Variants in CDKAL1 observed in about 807,000 individuals in gnomAD.
CDKAL1 encodes threonylcarbamoyladenosine tRNA methylthiotransferase.
A neutral mutation model predicts 68.2 loss-of-function variants in CDKAL1; 32 were observed. The ratio of observed to expected loss-of-function variants is 0.47; its 90% CI spans 0.35 to 0.63. The LOEUF (loss-of-function observed/expected upper bound fraction) is 0.63. CDKAL1 is among the 30% of genes least tolerant of loss of function. The probability of loss-of-function intolerance (pLI) is 0.00; values close to 1 mark genes in which losing one functional copy is unlikely to be tolerated. For synonymous variants in CDKAL1, 234 were observed against 244.3 expected (o/e 0.96, Z 0.39); for missense variants, 606 against 696.7 (o/e 0.87, Z 1.47).
chr6:20,998,980 C>A (rs950082205), intron 10 of CDKAL1, among the ~76,000 whole-genome samples: 1 of 151,298 alleles, frequency 6.6e-6, no homozygotes, highest in Non-Finnish European at 1.5e-5. Flanking sequence ...ATGGTTGATC[C>A]GTATGCATGA....
chr6:21,134,920 A>G (rs1438669679), intron 13 of CDKAL1, among the ~76,000 whole-genome samples: 1 of 152,034 alleles, frequency 6.6e-6, no homozygotes. Context: ...TTCTTCCAAT[A>G]GTTTAGATCC....
intron 8 of CDKAL1, among the ~76,000 whole-genome samples, chr6:20,797,780 T>TG (rs1776171253): frequency 1.4e-5 from 2 of 141,586 alleles, no homozygotes; most frequent in African/African-American, 5.4e-5. Flanking sequence ...TTTTATTTTA[T>TG]TTTATTTTAT....
chr6:21,052,982 G>C (rs1007156587), intron 11 of CDKAL1, among the ~76,000 whole-genome samples: 7 of 152,284 alleles, frequency 4.6e-5, no homozygotes, highest in Admixed American at 4.6e-4. Flanking sequence ...TGTTAAGTCT[G>C]TAGGATAATT....
chr6:20,659,129 C>G (rs1581912245), intron 5 of CDKAL1, among the ~76,000 whole-genome samples: 1 of 152,158 alleles, frequency 6.6e-6, no homozygotes, highest in East Asian at 1.9e-4. Flanking sequence ...GCCACCTTGC[C>G]TGACTTCCAA....
chr6:21,167,339 A>G (rs1777193714), intron 13 of CDKAL1, among the ~76,000 whole-genome samples: 1 of 152,244 alleles, frequency 6.6e-6, no homozygotes, highest in African/African-American at 2.4e-5. Context: ...ATTTCTAATT[A>G]CTGTGCCACC....
intron 4 of CDKAL1, among the ~76,000 whole-genome samples, chr6:20,648,068 C>G (rs1768564149): frequency 7.2e-6 from 1 of 138,422 alleles, no homozygotes; most frequent in Non-Finnish European, 1.5e-5. Context: ...GAGCGAGACT[C>G]TGTCTCAAAA....
intron 13 of CDKAL1, among the ~76,000 whole-genome samples, chr6:21,123,432 G>A (rs183938260): frequency 1.4e-3 from 215 of 152,200 alleles, no homozygotes; most frequent in South Asian, 2.3e-3. Context: ...CTCCAGCCTG[G>A]GCAACAGAGC....
At chr6:20,727,567 T>A (rs2127855208) in intron 5 of CDKAL1, among the ~76,000 whole-genome samples, 1 of 152,254 alleles carries the variant, frequency 6.6e-6, no homozygotes, top group Middle Eastern at 3.4e-3. Flanking sequence ...TTTTTTAAAA[T>A]GCAAACTAGA....
intron 8 of CDKAL1, among the ~76,000 whole-genome samples, chr6:20,784,924 G>C (rs1775605517): frequency 1.3e-5 from 2 of 151,858 alleles, no homozygotes; most frequent in Non-Finnish European, 2.9e-5. Flanking sequence ...TTAAAAATTT[G>C]CTTTAGGTAA....
chr6:20,769,143 C>T lies in CDKAL1; in HGVS notation c.517+10500C>T, dbSNP rs73732772. 8.7e-3 allele frequency among the ~76,000 whole-genome samples: 1,318 copies of T among 152,070 alleles called. 15 individuals carry two copies. The highest frequency in any genetic ancestry group is 0.029 in the African/African-American group (1,195 of 41,498). On this transcript the variant is annotated intron_variant, in intron 7 of 15. Coordinates refer to ENST00000274695, the MANE Select transcript of CDKAL1 (RefSeq NM_017774.3). ...AGGTTCATTACCTATGCCTTTTTCC[C>T]GTAACTCACACCCGGGAAAGTACAT...
At chr6:20,584,652 A>G (rs1265021350) in intron 4 of CDKAL1, among the ~76,000 whole-genome samples, 5 of 152,204 alleles carry the variant, frequency 3.3e-5, no homozygotes, top group African/African-American at 1.2e-4. Context: ...AGGTAGTTCT[A>G]AGAATGTATT....
At chr6:20,608,360 C>G (rs1766427018) in intron 4 of CDKAL1, among the ~76,000 whole-genome samples, 2 of 152,074 alleles carry the variant, frequency 1.3e-5, no homozygotes, top group Admixed American at 1.3e-4. Flanking sequence ...AAATCTACTA[C>G]TTTTTAGTAC....
rs114456688 is a variant in CDKAL1, at chr6:20,774,659, T to C, written c.518-6486T>C. On this transcript the variant is annotated intron_variant, in intron 7 of 15. Transcript: ENST00000274695. The stretch of plus-strand genomic sequence containing the variant: ...TACTGTACAAATAATATACAGTGCC[T>C]TGGTTTCTCTTCTCATAAGCATTTC... Among the ~76,000 whole-genome samples, 864 of 152,340 alleles carry C rather than the reference T, an allele frequency of 5.7e-3. 6 individuals carry two copies. The highest frequency in any genetic ancestry group is 0.02 in the African/African-American group (811 of 41,576).
intron 8 of CDKAL1, among the ~76,000 whole-genome samples, chr6:20,820,974 C>T (rs773217863): frequency 3.3e-5 from 5 of 151,504 alleles, no homozygotes; most frequent in African/African-American, 4.9e-5. Flanking sequence ...GGGTGGCCTT[C>T]GAGATAGTGA....
chr6:21,094,545 A>G (rs1389734026), intron 12 of CDKAL1, among the ~76,000 whole-genome samples: 2 of 152,214 alleles, frequency 1.3e-5, no homozygotes, highest in Non-Finnish European at 2.9e-5. Context: ...GTGTACATGA[A>G]AATAAAGAGC....
At chr6:20,663,752 G>A (rs998839220) in intron 5 of CDKAL1, among the ~76,000 whole-genome samples, 4 of 152,022 alleles carry the variant, frequency 2.6e-5, no homozygotes, top group Non-Finnish European at 5.9e-5. Flanking sequence ...TTAAAACCTA[G>A]ATATTTTAAA....
chr6:20,864,384 T>C (rs1759797207), intron 9 of CDKAL1, among the ~76,000 whole-genome samples: 2 of 152,178 alleles, frequency 1.3e-5, no homozygotes, highest in South Asian at 4.1e-4. Flanking sequence ...CCAAGGTTAG[T>C]GTGCCTGTTA....
At chr6:20,747,892 C>CA (rs371293537) in intron 6 of CDKAL1, among the ~76,000 whole-genome samples, 1 of 152,000 alleles carries the variant, frequency 6.6e-6, no homozygotes, top group African/African-American at 2.4e-5. Flanking sequence ...GTGTGATATC[C>CA]AAAAAATCAG....
At chr6:21,104,601 C>T (rs1248763333) in intron 12 of CDKAL1, among the ~76,000 whole-genome samples, 2 of 151,750 alleles carry the variant, frequency 1.3e-5, no homozygotes, top group African/African-American at 4.8e-5. Flanking sequence ...CCAGAAGATA[C>T]TCCACTGGAT....
Sources: allele counts gnomAD v4.1 joint callset (sites outside exome capture counted in the v4.1 genomes callset), GRCh38; gene constraint gnomAD v4.1.1; transcripts MANE v1.5; gene names NCBI Gene and HGNC (gene_info 2026-07-23, HGNC 2026-07-21).